Variants in TOLLIP observed in about 807,000 individuals in gnomAD.
TOLLIP encodes the protein toll interacting protein, also known as toll-interacting protein.
A neutral mutation model predicts 33.5 loss-of-function variants in TOLLIP; 16 were observed. The observed-to-expected ratio is 0.48, with a 90% CI of 0.32 to 0.72. TOLLIP has a LOEUF of 0.72. Among genes scored for constraint, TOLLIP ranks in the 30% least tolerant of loss-of-function variants. TOLLIP has a pLI of 0.03. For missense variants in TOLLIP, 325 were observed against 396.6 expected, an observed-to-expected ratio of 0.82 and a Z score of 1.53; for synonymous variants, 176 against 163.7, an observed-to-expected ratio of 1.07 and a Z score of -0.57.
rs1863384851 is a variant in TOLLIP, at chr11:1,278,517, T to C, written c.611-1264A>G. ...AGACAGGGCTTGCCACCAAGCCTCC[T>C]GCACCTGCTGCAAAGGCCAGGACTC... is the stretch of plus-strand genomic sequence containing the variant. On this transcript the variant is annotated intron_variant, in intron 5 of 5. Coordinates refer to ENST00000317204, the MANE Select transcript of TOLLIP (RefSeq NM_019009.4). This position sits in a 1 kb window ranked among gnomAD's most constrained non-coding sequence, Gnocchi z 4.7. Among the ~76,000 whole-genome samples the C allele has an allele frequency of 6.6e-6, 1 of 152,136 alleles. No homozygotes were observed. Among genetic ancestry groups the C allele is most frequent in the Non-Finnish European group, 1.5e-5 (1 of 68,004 alleles).
At position 1,290,916 on chromosome 11, in the gene TOLLIP, G is replaced by C. The variant is rs1863913456; in HGVS notation, c.184-507C>G. 6.4e-6 allele frequency: 1 copy of C among 155,522 alleles called. No homozygotes were observed. Among genetic ancestry groups the C allele is most frequent in the Non-Finnish European group, 1.4e-5 (1 of 70,092 alleles). 9.6% of individuals were successfully genotyped at this position (155,522 alleles called of 1,614,324 possible). ...CGTGGCTGCTTTCCTCCCTCGTGAAGGCAGCAGCCCTGCCTGTGCTATCGG... is the reference window on the plus strand; with the variant it reads ...CGTGGCTGCTTTCCTCCCTCGTGAACGCAGCAGCCCTGCCTGTGCTATCGG... On this transcript the variant is annotated intron_variant, in intron 2 of 5. Coordinates refer to ENST00000317204, the MANE Select transcript of TOLLIP (RefSeq NM_019009.4). The surrounding 1 kb of genome is among the most constrained non-coding windows in gnomAD (Gnocchi z 4.9).
At chr11:1,305,495 T>A (rs901986540) in intron 1 of TOLLIP, among the ~76,000 whole-genome samples, 2 of 152,184 alleles carry the variant, frequency 1.3e-5, no homozygotes, top group Non-Finnish European at 2.9e-5. Flanking sequence ...GGGAAAAGCA[T>A]CTCACTTGCC....
chr11:1,288,412 C>T (rs1564970714), intron 4 of TOLLIP, among the ~76,000 whole-genome samples: 1 of 152,232 alleles, frequency 6.6e-6, no homozygotes, highest in South Asian at 2.1e-4. Flanking sequence ...TTTCCCCAGA[C>T]AGAGAACATG....
chr11:1,298,579 A>G (rs979384333), intron 1 of TOLLIP: 2 of 152,276 alleles, frequency 1.3e-5, no homozygotes, highest in African/African-American at 4.8e-5. Flanking sequence ...GAGAAAATAA[A>G]ATTATATCCA....
chr11:1,276,622 A>G lies in TOLLIP; in HGVS notation c.*417T>C, dbSNP rs939567729. On this transcript the variant is annotated 3_prime_UTR_variant, in exon 6 of 6. Coordinates refer to ENST00000317204, the MANE Select transcript of TOLLIP (RefSeq NM_019009.4). ...CTAAAAAAAACCCACAGTGTGAGGG[A>G]TTGTGTGTGCCTTAAATCAACAGCT... 1.3e-5 allele frequency: 16 copies of G among 1,267,594 alleles called. No homozygotes were observed. The highest frequency in any genetic ancestry group is 2.1e-4 in the Middle Eastern group (1 of 4,664). The allele number at this position is 1,267,594 out of a possible 1,614,324, so 78.5% of individuals were successfully genotyped here.
At position 1,283,533 on chromosome 11, in the gene TOLLIP, G is replaced by C. The variant is rs1194980445; in HGVS notation, c.610+2469C>G. ...GGACGAGTCCTCACAGGCTCTGGCA[G>C]ATGTTCCTGCATCTCCTTGGGAACT... On this transcript the variant is annotated intron_variant, in intron 5 of 5. Transcript: ENST00000317204. 1.8e-5 allele frequency: 8 copies of C among 456,108 alleles called. No individual in the cohort carries two copies. In the Admixed American group the frequency reaches 1.9e-4, roughly 11 times the overall value. The allele number at this position is 456,108 out of a possible 1,614,324, so 28.3% of individuals were successfully genotyped here.
chr11:1,304,031 A>C (rs572230566), intron 1 of TOLLIP, among the ~76,000 whole-genome samples: 1 of 145,394 alleles, frequency 6.9e-6, no homozygotes, highest in Non-Finnish European at 1.5e-5. Flanking sequence ...GCGAGCCTCC[A>C]TGTAAAAAAA....
chr11:1,286,084 T>C lies in TOLLIP; in HGVS notation c.528A>G (p.Pro176=), dbSNP rs1043015421. 1.4e-5 allele frequency: 23 copies of C among 1,595,850 alleles called. No homozygotes were observed. Among genetic ancestry groups the C allele is most frequent in the Non-Finnish European group, 1.9e-5 (22 of 1,172,584 alleles). Reference sequence around the variant, plus strand: ...GCTGGGGTGGCATCACCATGGCAGCTGGAAGCAGCTGAAACACAGCGGAGA... The same window carrying C: ...GCTGGGGTGGCATCACCATGGCAGCCGGAAGCAGCTGAAACACAGCGGAGA... ...INLVMSYALL[P]AAMVMPPQPV... Residue 176 remains proline, a synonymous_variant, in exon 5 of 6, where the codon CCA becomes CCG. Coordinates refer to ENST00000317204, the MANE Select transcript of TOLLIP (RefSeq NM_019009.4).
chr11:1,287,880 CTG>C (rs1863796030), intron 4 of TOLLIP, among the ~76,000 whole-genome samples: 2 of 149,308 alleles, frequency 1.3e-5, no homozygotes, highest in Admixed American at 1.3e-4. Context: ...AGCCTCCCTG[CTG>C]CACCCTCCCT....
intron 1 of TOLLIP, among the ~76,000 whole-genome samples, chr11:1,301,205 CT>C: frequency 6.6e-6 from 1 of 152,224 alleles, no homozygotes; most frequent in Non-Finnish European, 1.5e-5. Context: ...TGAACTGAAG[CT>C]TTTGCTTGAT....
intron 5 of TOLLIP, among the ~76,000 whole-genome samples, chr11:1,281,839 A>C (rs1863510767): frequency 6.6e-6 from 1 of 152,164 alleles, no homozygotes; most frequent in Admixed American, 6.5e-5. Flanking sequence ...TTGAGATTCC[A>C]CTTCTGAGAA....
At chr11:1,305,143 C>T (rs1212890840) in intron 1 of TOLLIP, among the ~76,000 whole-genome samples, 1 of 152,234 alleles carries the variant, frequency 6.6e-6, no homozygotes, top group African/African-American at 2.4e-5. Context: ...TGGGTCCCCA[C>T]ACAGTGAAAA....
chr11:1,278,432 C>G lies in TOLLIP; in HGVS notation c.611-1179G>C, dbSNP rs1332573704. ...GGAGGATCCTAAAGGCAGCAGAAGC[C>G]ACTTCAATCCTGGCCTGAACCAACA... On this transcript the variant is annotated intron_variant, in intron 5 of 5. Transcript: ENST00000317204. The surrounding 1 kb of genome is among the most constrained non-coding windows in gnomAD (Gnocchi z 4.7). Among the ~76,000 whole-genome samples the G allele has an allele frequency of 6.6e-6, 1 of 152,152 alleles. No individual in the cohort carries two copies.
chr11:1,285,551 C>T (rs547512759), intron 5 of TOLLIP, among the ~76,000 whole-genome samples: 38 of 152,324 alleles, frequency 2.5e-4, no homozygotes, highest in Non-Finnish European at 5.0e-4. Flanking sequence ...GTAGAGAGCA[C>T]GCATCACCCA....
In TOLLIP at chr11:1,274,685, G is replaced by A. The variant is rs1168158620; in HGVS notation, c.*2354C>T. The A allele has an allele frequency of 1.3e-5, 2 of 152,262 alleles. No homozygotes were observed. The highest frequency in any genetic ancestry group is 4.8e-5 in the African/African-American group (2 of 41,456). The allele number at this position is 152,262 out of a possible 1,614,324, so 9.4% of individuals were successfully genotyped here. ...CTTAGTGACCGCTGCCACGGAGCTG[G>A]CGATCGGCCTGCATCTTCAAACCCA... On this transcript the variant is annotated 3_prime_UTR_variant, in exon 6 of 6. Coordinates refer to ENST00000317204, the MANE Select transcript of TOLLIP (RefSeq NM_019009.4).
At chr11:1,286,450 C>A (rs569739440) in intron 4 of TOLLIP, among the ~76,000 whole-genome samples, 121 of 152,320 alleles carry the variant, frequency 7.9e-4, no homozygotes, top group Non-Finnish European at 1.4e-3. Context: ...TTGAAAGTGT[C>A]AACTTCACAT....
At chr11:1,298,092 C>T (rs759496131) in intron 1 of TOLLIP, 5 of 152,392 alleles carry the variant, frequency 3.3e-5, no homozygotes, top group Non-Finnish European at 5.9e-5. Context: ...TCACCAGGAA[C>T]GGGTTATCTT....
At position 1,278,149 on chromosome 11, in the gene TOLLIP, T is replaced by G. The variant is rs1267881489; in HGVS notation, c.611-896A>C. On this transcript the variant is annotated intron_variant, in intron 5 of 5. Coordinates refer to ENST00000317204, the MANE Select transcript of TOLLIP (RefSeq NM_019009.4). The surrounding 1 kb of genome is among the most constrained non-coding windows in gnomAD (Gnocchi z 4.7). ...GCCTCCCAGCCTGGTGGCCGCTCCC[T>G]AAAACCACGAGCAGCCCTGAGCACA... is the stretch of plus-strand genomic sequence containing the variant. Among the ~76,000 whole-genome samples, 3 of 152,060 alleles carry G rather than the reference T, an allele frequency of 2.0e-5. No homozygotes were observed. Among genetic ancestry groups the G allele is most frequent in the Admixed American group, 6.5e-5 (1 of 15,272 alleles).
chr11:1,283,972 C>G (rs1425087700), intron 5 of TOLLIP, among the ~76,000 whole-genome samples: 1 of 152,194 alleles, frequency 6.6e-6, no homozygotes, highest in African/African-American at 2.4e-5. Context: ...TCAGGACAAC[C>G]AGACAGAACT....
Sources: allele counts gnomAD v4.1 joint callset (sites outside exome capture counted in the v4.1 genomes callset), GRCh38; gene constraint gnomAD v4.1.1; non-coding constraint Gnocchi (gnomAD v3.1); transcripts MANE v1.5; gene names NCBI Gene and HGNC (gene_info 2026-07-23, HGNC 2026-07-21).